SH3GL2: variants seen among roughly 807,000 people sequenced by gnomAD.
SH3GL2 encodes SH3 domain containing GRB2 like 2, endophilin A1, also known as endophilin-A1.
Under a neutral mutation model 46.0 loss-of-function variants are expected in SH3GL2, and 24 were observed. The ratio of observed to expected loss-of-function variants is 0.52; its 90% CI spans 0.38 to 0.73. The LOEUF (loss-of-function observed/expected upper bound fraction) is 0.73, where lower values mean the gene tolerates loss of function less well. SH3GL2 is among the 30% of genes least tolerant of loss of function. The pLI is 0.00. For synonymous variants in SH3GL2, 196 were observed against 147.1 expected (o/e 1.33, Z -2.40); for missense variants, 413 against 424.2 (o/e 0.97, Z 0.23).
chr9:17,725,647 G>A (rs188693432), intron 1 of SH3GL2, among the ~76,000 whole-genome samples: 4 of 152,198 alleles, frequency 2.6e-5, no homozygotes, highest in African/African-American at 9.6e-5. Context: ...GCCTCTCTTC[G>A]TGTGGAATGT....
intron 3 of SH3GL2, among the ~76,000 whole-genome samples, chr9:17,769,468 G>A (rs1029072039): frequency 6.6e-6 from 1 of 152,044 alleles, no homozygotes; most frequent in African/African-American, 2.4e-5. Flanking sequence ...TCCTCTGCTT[G>A]TAACTCTCCA....
intron 3 of SH3GL2, among the ~76,000 whole-genome samples, chr9:17,775,998 G>A (rs956594812): frequency 2.0e-5 from 3 of 152,128 alleles, no homozygotes; most frequent in Admixed American, 1.3e-4. Flanking sequence ...TTTAAATCAG[G>A]TTGTAATTTT....
intron 1 of SH3GL2, among the ~76,000 whole-genome samples, chr9:17,722,057 C>T (rs1399193765): frequency 6.6e-6 from 1 of 151,946 alleles, no homozygotes; most frequent in African/African-American, 2.4e-5. Context: ...TTGCTATATC[C>T]ACTTGTAAGT....
At chr9:17,714,260 T>G (rs1821697566) in intron 1 of SH3GL2, among the ~76,000 whole-genome samples, 1 of 151,590 alleles carries the variant, frequency 6.6e-6, no homozygotes. Flanking sequence ...TTAAAGTGTT[T>G]GTAGGTTTGT....
At chr9:17,753,085 C>T (rs1345638907) in intron 2 of SH3GL2, among the ~76,000 whole-genome samples, 1 of 152,158 alleles carries the variant, frequency 6.6e-6, no homozygotes, top group African/African-American at 2.4e-5. Flanking sequence ...ATACGTAGCA[C>T]ATTTTCTTTA....
At chr9:17,592,146 C>T (rs1437324498) in intron 1 of SH3GL2, among the ~76,000 whole-genome samples, 6 of 152,114 alleles carry the variant, frequency 3.9e-5, no homozygotes, top group Admixed American at 3.9e-4. Context: ...CTGGTGTAAG[C>T]CCCAACCCCA....
intron 1 of SH3GL2, among the ~76,000 whole-genome samples, chr9:17,625,041 G>A (rs1819249289): frequency 1.3e-5 from 2 of 152,210 alleles, no homozygotes; most frequent in South Asian, 4.1e-4. Flanking sequence ...GAGTTGGCCT[G>A]ACAGATTGTG....
chr9:17,583,496 G>A (rs921728315), intron 1 of SH3GL2, among the ~76,000 whole-genome samples: 2 of 152,182 alleles, frequency 1.3e-5, no homozygotes, highest in African/African-American at 2.4e-5. Flanking sequence ...GCCCTAGCCA[G>A]GCACAAATCT....
Position 17,580,108 on chromosome 9 carries a change from A to C in SH3GL2, c.45+821A>C, listed in dbSNP as rs574913474. On this transcript the variant is annotated intron_variant, in intron 1 of 8. Coordinates refer to ENST00000380607, the MANE Select transcript of SH3GL2 (RefSeq NM_003026.5). ...TCTAATAATTAAAATCATTGGACTC[A>C]AAGAATTTTACATAGGGGCAAGTAA... Among the ~76,000 whole-genome samples the C allele has an allele frequency of 3.7e-4, 56 of 152,300 alleles. 1 individual carries two copies. The South Asian group carries it at 8.1e-3, about 22-fold the overall frequency.
intron 2 of SH3GL2, among the ~76,000 whole-genome samples, chr9:17,754,996 G>T (rs1470158414): frequency 1.3e-5 from 2 of 152,032 alleles, no homozygotes; most frequent in Non-Finnish European, 1.5e-5. Flanking sequence ...TTGCCTAATT[G>T]GCCTGGTCAG....
rs1822597583 is a variant in SH3GL2 at position 17,743,636 on chromosome 9, A to AC, written c.46-3426dup. 2.0e-5 allele frequency among the ~76,000 whole-genome samples: 3 copies of AC among 150,942 alleles called. No homozygotes were observed. In the South Asian group the frequency reaches 6.3e-4, roughly 32 times the overall value. On this transcript the variant is annotated intron_variant, in intron 1 of 8. Coordinates refer to ENST00000380607, the MANE Select transcript of SH3GL2 (RefSeq NM_003026.5). ...TTAAAGCCAATGGATTGATGATTTG[A>AC]CCCCGTTGTGTTATCAAGACTAGTT... is the stretch of plus-strand genomic sequence containing the variant.
chr9:17,742,465 CTT>C (rs1332191638), intron 1 of SH3GL2, among the ~76,000 whole-genome samples: 1 of 152,102 alleles, frequency 6.6e-6, no homozygotes, highest in Non-Finnish European at 1.5e-5. Flanking sequence ...AAAATTAAGA[CTT>C]TTAATTTAAA....
intron 3 of SH3GL2, among the ~76,000 whole-genome samples, chr9:17,783,013 A>C (rs9406728): frequency 0.02 from 2,982 of 152,218 alleles, 89 homozygotes; most frequent in African/African-American, 0.068. Context: ...TGTGCAACCA[A>C]GTTGTCAGTA....
intron 1 of SH3GL2, among the ~76,000 whole-genome samples, chr9:17,640,717 G>A (rs1819659913): frequency 6.6e-6 from 1 of 152,168 alleles, no homozygotes; most frequent in South Asian, 2.1e-4. Context: ...GTCAGGGAAT[G>A]TTTTGAAATG....
chr9:17,716,682 T>G (rs752892113), intron 1 of SH3GL2, among the ~76,000 whole-genome samples: 12 of 152,176 alleles, frequency 7.9e-5, no homozygotes, highest in Non-Finnish European at 1.6e-4. Context: ...TTGGGTTCTC[T>G]CTCAGTGCAG....
At chr9:17,748,979 A>C (rs906428395) in intron 2 of SH3GL2, among the ~76,000 whole-genome samples, 1 of 152,226 alleles carries the variant, frequency 6.6e-6, no homozygotes, top group African/African-American at 2.4e-5. Flanking sequence ...ATCAGACTGC[A>C]TAGTATTGAT....
At chr9:17,737,595 C>T (rs1164885145) in intron 1 of SH3GL2, among the ~76,000 whole-genome samples, 2 of 152,102 alleles carry the variant, frequency 1.3e-5, no homozygotes, top group South Asian at 2.1e-4. Flanking sequence ...CCTCCTTGCC[C>T]GTCCTCTGAG....
intron 1 of SH3GL2, among the ~76,000 whole-genome samples, chr9:17,672,814 G>T (rs762293436): frequency 1.3e-4 from 20 of 152,272 alleles, no homozygotes; most frequent in Non-Finnish European, 2.4e-4. Flanking sequence ...CATGTTCGTG[G>T]TTTTAACTCT....
chr9:17,694,474 C>T (rs137912236), intron 1 of SH3GL2, among the ~76,000 whole-genome samples: 1,544 of 152,246 alleles, frequency 0.01, 17 homozygotes, highest in Middle Eastern at 0.024. Context: ...ACCCAGATCG[C>T]TGGATTTGCT....
Sources: allele counts gnomAD v4.1 joint callset (sites outside exome capture counted in the v4.1 genomes callset), GRCh38; gene constraint gnomAD v4.1.1; transcripts MANE v1.5; gene names NCBI Gene and HGNC (gene_info 2026-07-23, HGNC 2026-07-21).